The following ADGRV1 variants were observed in gnomAD, a reference collection of about 807,000 sequenced individuals.
ADGRV1 encodes the protein G-protein coupled receptor 98.
Under a neutral mutation model 596.2 loss-of-function variants are expected in ADGRV1, and 359 were observed. The ratio of observed to expected loss-of-function variants is 0.60; its 90% confidence interval spans 0.55 to 0.66. The LOEUF is 0.66. Among genes scored for constraint, ADGRV1 ranks in the 30% least tolerant of loss-of-function variants. ADGRV1 has a pLI of 0.00. For synonymous variants in ADGRV1, 2,681 were observed against 2,679.2 expected (o/e 1.00, Z -0.02); for missense variants, 7,274 against 7,575.6 (o/e 0.96, Z 1.48).
chr5:90,589,290 CAA>C (rs1415382864), intron 1 of ADGRV1, among the ~76,000 whole-genome samples: 5 of 152,122 alleles, frequency 3.3e-5, no homozygotes, highest in Non-Finnish European at 7.4e-5. Context: ...AAGTTGAAGT[CAA>C]GAGATGAAAG....
intron 9 of ADGRV1, among the ~76,000 whole-genome samples, chr5:90,634,040 T>C (rs750993292): frequency 2.1e-4 from 32 of 152,198 alleles, no homozygotes; most frequent in Non-Finnish European, 4.4e-4. Context: ...TTATAAAGCC[T>C]AACAGAGGGC....
chr5:91,073,696 C>T (rs185138535), intron 86 of ADGRV1, among the ~76,000 whole-genome samples: 1 of 152,162 alleles, frequency 6.6e-6, no homozygotes, highest in East Asian at 1.9e-4. Context: ...ATTGTGTTGG[C>T]AGAATTTTCT....
intron 87 of ADGRV1, among the ~76,000 whole-genome samples, chr5:91,120,588 T>C (rs1489802229): frequency 2.6e-5 from 4 of 152,062 alleles, no homozygotes; most frequent in Non-Finnish European, 4.4e-5. Context: ...TTTCTGAACA[T>C]AGTCTGGAAC....
At chr5:90,999,055 T>C (rs1264524230) in intron 85 of ADGRV1, among the ~76,000 whole-genome samples, 3 of 152,086 alleles carry the variant, frequency 2.0e-5, no homozygotes, top group Non-Finnish European at 4.4e-5. Context: ...TTCTGATTGC[T>C]TGCTCATGTT....
intron 38 of ADGRV1, among the ~76,000 whole-genome samples, chr5:90,707,841 A>G (rs1277199351): frequency 6.6e-6 from 1 of 152,064 alleles, no homozygotes; most frequent in Non-Finnish European, 1.5e-5. Flanking sequence ...CACTAAGATT[A>G]AGAGACTGCA....
Position 91,151,795 on chromosome 5 carries a change from T to C in ADGRV1, c.18625-1426T>C, listed in dbSNP as rs1388859876. On this transcript the variant is annotated intron_variant, in intron 88 of 89. Transcript: ENST00000405460. ...CCACATGTGTTTGGTAGCTGCCATA[T>C]TGGAGAACACAGATATAACACATTT... Among the ~76,000 whole-genome samples, 4 of 152,264 alleles carry C rather than the reference T, an allele frequency of 2.6e-5. No homozygotes were observed. In the South Asian group the frequency reaches 6.2e-4, roughly 24 times the overall value.
intron 83 of ADGRV1, among the ~76,000 whole-genome samples, chr5:90,921,293 C>T (rs1249812842): frequency 2.0e-5 from 3 of 151,990 alleles, no homozygotes; most frequent in African/African-American, 7.3e-5. Context: ...TTTGTTTCAT[C>T]ATTCAACATT....
intron 16 of ADGRV1, 68 bp downstream of exon 16, chr5:90,646,159 C>CTATTTA: frequency 1.8e-6 from 2 of 1,134,484 alleles, no homozygotes; most frequent in Non-Finnish European, 2.4e-6. Context: ...TGTATATATG[C>CTATTTA]ACGTGCATAT....
chr5:90,584,353 C>A (rs867020072), intron 1 of ADGRV1, among the ~76,000 whole-genome samples: 1 of 152,234 alleles, frequency 6.6e-6, no homozygotes, highest in African/African-American at 2.4e-5. Context: ...GCTCAAGCTT[C>A]AGCCCCTAAG....
intron 1 of ADGRV1, chr5:90,614,634 A>C: frequency 1.6e-6 from 1 of 624,184 alleles, no homozygotes. Context: ...AATAGTAGAA[A>C]GAGAACCGTA....
At chr5:90,986,920 CTTAT>C (rs1780543892) in intron 85 of ADGRV1, among the ~76,000 whole-genome samples, 3 of 152,096 alleles carry the variant, frequency 2.0e-5, no homozygotes, top group Admixed American at 2.0e-4. Flanking sequence ...CAAGACAGGA[CTTAT>C]TTAATTTTAG....
At chr5:90,561,629 T>C (rs574187485) in intron 1 of ADGRV1, among the ~76,000 whole-genome samples, 16 of 152,324 alleles carry the variant, frequency 1.1e-4, no homozygotes, top group African/African-American at 3.8e-4. Flanking sequence ...GGTTAACCTA[T>C]TGAATAAGTT....
intron 1 of ADGRV1, among the ~76,000 whole-genome samples, chr5:90,612,442 A>G (rs1580448688): frequency 6.6e-6 from 1 of 152,026 alleles, no homozygotes; most frequent in East Asian, 1.9e-4. Flanking sequence ...AATAAAATGT[A>G]AATGGCAGTA....
chr5:90,672,737 TTTTG>T lies in ADGRV1; in HGVS notation c.4929+18_4929+21del, dbSNP rs775440042. The T allele has an allele frequency of 9.0e-6, 14 of 1,562,334 alleles. No homozygotes were observed. The highest frequency in any genetic ancestry group is 1.2e-5 in the Non-Finnish European group (14 of 1,151,762). On this transcript the variant is annotated intron_variant, in intron 22 of 89. Transcript: ENST00000405460. Reference sequence around the variant, plus strand: ...AGAGATCAGAGGTAAACCCTACCTTTTTTGTTCCTTTGAAAGCCTCCTGGAAAGC... The same window carrying T: ...AGAGATCAGAGGTAAACCCTACCTTTTTCCTTTGAAAGCCTCCTGGAAAGC...
chr5:91,003,406 G>C (rs1967256), intron 85 of ADGRV1, among the ~76,000 whole-genome samples: 21,028 of 152,132 alleles, frequency 0.14, 1,962 homozygotes, highest in African/African-American at 0.24. Flanking sequence ...TAGCTGCTCT[G>C]AAACATACGC....
intron 79 of ADGRV1, among the ~76,000 whole-genome samples, chr5:90,849,429 G>A (rs549202017): frequency 1.2e-4 from 18 of 151,714 alleles, no homozygotes; most frequent in South Asian, 1.0e-3. Context: ...CGCTCTTGTC[G>A]CCCAGGCTGG....
Position 90,711,004 on chromosome 5 carries a change from G to A in ADGRV1, c.8848G>A (p.Val2950Ile). 1 of 1,610,206 alleles carries A rather than the reference G, an allele frequency of 6.2e-7. No homozygotes were observed. Among genetic ancestry groups the A allele is most frequent in the Non-Finnish European group, 8.5e-7 (1 of 1,177,394 alleles). Residue 2950 changes from valine (V) to isoleucine (I), a missense_variant, in exon 40 of 90, where the codon GTT (valine) becomes ATT (isoleucine). Around this residue, in one of 5 missense-constraint regions of ADGRV1, gnomAD observed 3,643 missense variants for 3,809.2 expected, o/e 0.96. Transcript: ENST00000405460. ...RLDSEGLTAQVIIDANDGARG... is the reference protein window; with the variant it reads ...RLDSEGLTAQIIIDANDGARG... The stretch of plus-strand genomic sequence containing the variant: ...AGATTCAGAAGGTTTGACTGCACAA[G>A]TTATTATTGATGCCAATGATGGGGC...
At chr5:91,082,553 C>T (rs190259424) in intron 86 of ADGRV1, among the ~76,000 whole-genome samples, 20 of 152,100 alleles carry the variant, frequency 1.3e-4, no homozygotes, top group African/African-American at 4.8e-4. Flanking sequence ...AATGGATGAC[C>T]GAAGTCTTCC....
At chr5:90,995,471 C>A (rs1781337736) in intron 85 of ADGRV1, among the ~76,000 whole-genome samples, 1 of 152,160 alleles carries the variant, frequency 6.6e-6, no homozygotes, top group Non-Finnish European at 1.5e-5. Flanking sequence ...TTCTGTACAG[C>A]CTGTGGAACT....
Sources: gnomAD v4.1 joint callset for allele counts (sites outside exome capture counted in the v4.1 genomes callset) on GRCh38, gnomAD v4.1.1 for gene constraint, gnomAD v4.1.1 regional missense constraint, MANE v1.5 for transcripts, NCBI Gene and HGNC (gene_info 2026-07-23, HGNC 2026-07-21) for gene names.